Variants in KCNJ12 observed in about 807,000 individuals in gnomAD.
The protein encoded by KCNJ12 is ATP-sensitive inward rectifier potassium channel 12.
A neutral mutation model predicts 22.3 loss-of-function variants in KCNJ12; 2 were observed. That is an observed-to-expected ratio of 0.09 (90% CI 0.04 to 0.28). The LOEUF is 0.28. KCNJ12 is among the 10% of genes least tolerant of loss of function. KCNJ12 has a pLI of 1.00. For synonymous variants in KCNJ12, 117 were observed against 261.4 expected, an observed-to-expected ratio of 0.45 and a Z score of 5.33; for missense variants, 155 against 633.3, an observed-to-expected ratio of 0.24 and a Z score of 8.11.
At chr17:21,406,241 G>A in intron 1 of KCNJ12, among the ~76,000 whole-genome samples, 1 of 152,302 alleles carries the variant, frequency 6.6e-6, no homozygotes, top group Non-Finnish European at 1.5e-5. Flanking sequence ...AGGCAGGGCT[G>A]TGAGCATCGG....
At chr17:21,378,024 A>G (rs1904727697) in intron 1 of KCNJ12, among the ~76,000 whole-genome samples, 1 of 152,224 alleles carries the variant, frequency 6.6e-6, no homozygotes, top group African/African-American at 2.4e-5. Context: ...ACCCAGGTTC[A>G]CAGGCTCCGT....
intron 1 of KCNJ12, among the ~76,000 whole-genome samples, chr17:21,393,064 T>G (rs997084460): frequency 1.3e-5 from 2 of 152,172 alleles, no homozygotes; most frequent in African/African-American, 4.8e-5. Flanking sequence ...AGGCCAGCGC[T>G]GGAATTTTAA....
chr17:21,379,406 C>G (rs1555557661), intron 1 of KCNJ12, among the ~76,000 whole-genome samples: 2 of 152,230 alleles, frequency 1.3e-5, no homozygotes, highest in Non-Finnish European at 2.9e-5. Flanking sequence ...CCCTCACCCC[C>G]CCTGCTCCCA....
chr17:21,408,146 G>T (rs1906092664), intron 1 of KCNJ12, among the ~76,000 whole-genome samples: 1 of 152,308 alleles, frequency 6.6e-6, no homozygotes, highest in Non-Finnish European at 1.5e-5. Flanking sequence ...GACAGTGGGA[G>T]AATTACCACA....
At chr17:21,380,315 TGGAGACCCCA>T (rs1436147764) in intron 1 of KCNJ12, among the ~76,000 whole-genome samples, 14 of 152,298 alleles carry the variant, frequency 9.2e-5, no homozygotes, top group African/African-American at 3.4e-4. Context: ...GTTCTGGGGC[TGGAGACCCCA>T]GGCCCTGTTG....
At chr17:21,409,052 C>T (rs1416681443) in intron 2 of KCNJ12, among the ~76,000 whole-genome samples, 4 of 152,312 alleles carry the variant, frequency 2.6e-5, no homozygotes, top group African/African-American at 9.6e-5. Flanking sequence ...TAGTCCTTCA[C>T]CCTTCATCTG....
chr17:21,412,027 C>G (rs1906380550), intron 2 of KCNJ12, among the ~76,000 whole-genome samples: 1 of 81,566 alleles, frequency 1.2e-5, no homozygotes, highest in Admixed American at 1.7e-4. Context: ...CTCTCTCTCT[C>G]TCACACACAC....
At chr17:21,407,561 C>T (rs1555561204) in intron 1 of KCNJ12, among the ~76,000 whole-genome samples, 4 of 151,656 alleles carry the variant, frequency 2.6e-5, no homozygotes, top group African/African-American at 7.3e-5. Context: ...TCCATCCATC[C>T]ACCCACCCAT....
chr17:21,393,878 A>C (rs1555559612), intron 1 of KCNJ12, among the ~76,000 whole-genome samples: 1 of 152,226 alleles, frequency 6.6e-6, no homozygotes, highest in Non-Finnish European at 1.5e-5. Context: ...AGGGCCACTC[A>C]TTTGAGCCCA....
rs1207224301 is a variant in KCNJ12 at position 21,406,623 on chromosome 17, G to A, written c.-178-1896G>A. Among the ~76,000 whole-genome samples, 12 of 152,416 alleles carry A rather than the reference G, an allele frequency of 7.9e-5. No individual in the cohort carries two copies. The East Asian group carries it at 2.1e-3, about 27-fold the overall frequency. On this transcript the variant is annotated intron_variant, in intron 1 of 2. Transcript: ENST00000583088. Reference sequence around the variant, plus strand: ...CATCCCATTTCAGAACAAGCTGAGAGAGGGGAAGTGACTCACTCAAGGTCA... The same window carrying A: ...CATCCCATTTCAGAACAAGCTGAGAAAGGGGAAGTGACTCACTCAAGGTCA...
intron 1 of KCNJ12, among the ~76,000 whole-genome samples, chr17:21,387,070 GGC>G (rs1555558739): frequency 1.3e-5 from 2 of 152,128 alleles, no homozygotes; most frequent in African/African-American, 2.4e-5. Context: ...GCAGGAGAAT[GGC>G]GTGAACCCGG....
intron 1 of KCNJ12, among the ~76,000 whole-genome samples, chr17:21,378,838 C>G (rs1040842525): frequency 1.3e-5 from 2 of 152,138 alleles, no homozygotes; most frequent in Non-Finnish European, 2.9e-5. Flanking sequence ...ACTCCCCCTG[C>G]AGCTACCCCG....
At chr17:21,401,909 G>T (rs1905640544) in intron 1 of KCNJ12, among the ~76,000 whole-genome samples, 1 of 152,236 alleles carries the variant, frequency 6.6e-6, no homozygotes, top group Admixed American at 6.5e-5. Context: ...AGCACAAGGG[G>T]TGGGGCTTGG....
rs528956983 is a variant in KCNJ12, at chr17:21,414,967, C to T, written c.-56-320C>T. 1.1e-4 allele frequency among the ~76,000 whole-genome samples: 17 copies of T among 152,414 alleles called. No individual in the cohort carries two copies. The East Asian group carries it at 1.7e-3, about 16-fold the overall frequency. Reference sequence around the variant, plus strand: ...GCAGAGAGGCTGGCAAGTTGTGCCCCGAACTGGCTGGGCAGGCACTGTTAG... The same window carrying T: ...GCAGAGAGGCTGGCAAGTTGTGCCCTGAACTGGCTGGGCAGGCACTGTTAG... On this transcript the variant is annotated intron_variant, in intron 2 of 2. Transcript: ENST00000583088.
At chr17:21,386,748 C>T (rs914844628) in intron 1 of KCNJ12, among the ~76,000 whole-genome samples, 3 of 152,074 alleles carry the variant, frequency 2.0e-5, no homozygotes, top group Admixed American at 6.5e-5. Context: ...CCTTGTGATC[C>T]GTCTACCTTG....
intron 1 of KCNJ12, among the ~76,000 whole-genome samples, chr17:21,380,397 A>G (rs1299566907): frequency 1.3e-5 from 2 of 152,118 alleles, no homozygotes; most frequent in Non-Finnish European, 1.5e-5. Context: ...GGCATTGCAT[A>G]CGGGGAGACC....
rs1239641617 is a variant in KCNJ12, at chr17:21,376,872, T to A, written c.-220T>A. On this transcript the variant is annotated 5_prime_UTR_variant, in exon 1 of 3. In the 5' UTR this introduces an upstream ATG that the reference lacks. Coordinates refer to ENST00000583088, the MANE Select transcript of KCNJ12 (RefSeq NM_021012.5). The surrounding 1 kb of genome is among the most constrained non-coding windows in gnomAD (Gnocchi z 5.3). ...GGGGCCAGGAACGGCCGCCCGGAGC[T>A]TGGAGGACGCCGAGCGCGCCGCGCC... is the stretch of plus-strand genomic sequence containing the variant. 1 of 151,004 alleles carries A rather than the reference T, an allele frequency of 6.6e-6. No individual in the cohort carries two copies. Among genetic ancestry groups the A allele is most frequent in the Non-Finnish European group, 1.5e-5 (1 of 67,712 alleles). 9.4% of individuals were successfully genotyped at this position (151,004 alleles called of 1,614,324 possible).
intron 1 of KCNJ12, among the ~76,000 whole-genome samples, chr17:21,380,373 G>C (rs1207564279): frequency 6.6e-6 from 1 of 152,190 alleles, no homozygotes; most frequent in Non-Finnish European, 1.5e-5. Context: ...CCATACAGAA[G>C]TGCTTAATCA....
chr17:21,401,586 G>A (rs1905626021), intron 1 of KCNJ12, among the ~76,000 whole-genome samples: 1 of 152,228 alleles, frequency 6.6e-6, no homozygotes, highest in Non-Finnish European at 1.5e-5. Flanking sequence ...CCTCTCATTT[G>A]ACAAATGGGG....
Sources: allele counts gnomAD v4.1 joint callset (sites outside exome capture counted in the v4.1 genomes callset), GRCh38; gene constraint gnomAD v4.1.1; non-coding constraint Gnocchi (gnomAD v3.1); transcripts MANE v1.5; gene names NCBI Gene and HGNC (gene_info 2026-07-23, HGNC 2026-07-21).